Variants in WLS observed in about 807,000 individuals in gnomAD.
WLS encodes protein wntless homolog.
WLS carries 23 observed loss-of-function variants against 62.8 expected under a neutral mutation model. The observed-to-expected ratio is 0.37, with a 90% CI of 0.26 to 0.52. WLS has a LOEUF of 0.52. Among genes scored for constraint, WLS ranks in the 20% least tolerant of loss-of-function variants. WLS has a pLI of 0.92. For missense variants in WLS, 615 were observed against 697.3 expected, an observed-to-expected ratio of 0.88 and a Z score of 1.33; for synonymous variants, 246 against 244.1, an observed-to-expected ratio of 1.01 and a Z score of -0.07.
chr1:68,144,633 T>C lies in WLS; in HGVS notation c.1298A>G (p.Lys433Arg), dbSNP rs150138976. The C allele has an allele frequency of 8.1e-6, 13 of 1,613,462 alleles. No homozygotes were observed. The African/African-American group carries it at 1.6e-4, about 20-fold the overall frequency. ...GGCCAAGGTGATAAGCATGAGGAAC[T>C]TGAACCTAAAAATTAGCCCCTATTA... ...LHYEGLIFRF[K>R]FLMLITLACA... is the part of the protein sequence containing the mutation. The change falls in exon 10 of 12, where the codon AAG becomes AGG. Residue 433 changes from lysine to arginine, a missense_variant. By Grantham distance (26) the Lys-to-Arg change is conservative. Transcript: ENST00000262348.
At chr1:68,161,571 G>A (rs1468270100) in intron 2 of WLS, among the ~76,000 whole-genome samples, 3 of 152,154 alleles carry the variant, frequency 2.0e-5, no homozygotes, top group Admixed American at 6.5e-5. Flanking sequence ...GTCTTTCAGC[G>A]CTTCCGTAAG....
At chr1:68,131,868 C>T (rs565376134) in intron 11 of WLS, among the ~76,000 whole-genome samples, 1 of 152,266 alleles carries the variant, frequency 6.6e-6, no homozygotes, top group South Asian at 2.1e-4. Context: ...TATAGATATA[C>T]ACAAAGGGAA....
chr1:68,105,396 T>C (rs1646129561), intron 11 of WLS, among the ~76,000 whole-genome samples: 1 of 152,362 alleles, frequency 6.6e-6, no homozygotes, highest in African/African-American at 2.4e-5. Flanking sequence ...TGCTAAATTC[T>C]CATTCAGTTC....
At chr1:68,202,424 G>A (rs184365485) in intron 1 of WLS, 1 of 152,198 alleles carries the variant, frequency 6.6e-6, no homozygotes, top group Non-Finnish European at 1.5e-5. Flanking sequence ...GTGTCCTGCA[G>A]CAAAGACAGC....
chr1:68,218,739 G>A (rs1046236040), intron 1 of WLS, among the ~76,000 whole-genome samples: 10 of 152,182 alleles, frequency 6.6e-5, no homozygotes, highest in Admixed American at 4.6e-4. Context: ...CTTGTGTGCA[G>A]GAACCTGGAG....
chr1:68,121,377 A>G (rs1279656896), downstream of WLS: 1 of 152,230 alleles, frequency 6.6e-6, no homozygotes, highest in African/African-American at 2.4e-5. Flanking sequence ...CCAAATAAGG[A>G]AAAGTCACAA....
intron 2 of WLS, among the ~76,000 whole-genome samples, chr1:68,164,875 G>A (rs1647038446): frequency 6.6e-6 from 1 of 152,162 alleles, no homozygotes; most frequent in African/African-American, 2.4e-5. Context: ...GGCTGGAGGT[G>A]GAGAAGAGCA....
intron 1 of WLS, among the ~76,000 whole-genome samples, chr1:68,211,008 G>A (rs1182925019): frequency 6.6e-6 from 1 of 152,126 alleles, no homozygotes; most frequent in East Asian, 1.9e-4. Flanking sequence ...ACCTCCCACT[G>A]CTTTGGCCTA....
At chr1:68,122,296 G>A (rs1646373251), downstream of WLS, among the ~76,000 whole-genome samples, 1 of 152,176 alleles carries the variant, frequency 6.6e-6, no homozygotes, top group African/African-American at 2.4e-5. Flanking sequence ...CCAGGGGTAT[G>A]AGTTCCAAGG....
rs777111777 is a variant in WLS at position 68,145,947 on chromosome 1, T to C, written c.1200A>G (p.Val400=). ...CACTGATGTTCCGAAACACCTGAAA[T>C]ACCATGAAGCATAGAAACAGGAAGT... ...CLYFLFLCFM[V]FQVFRNISGK... Residue 400 remains valine (V), a synonymous_variant, in exon 9 of 12, where the codon GTA becomes GTG. Coordinates refer to ENST00000262348, the MANE Select transcript of WLS (RefSeq NM_024911.7). The C allele has an allele frequency of 1.2e-6, 2 of 1,613,926 alleles. No individual in the cohort carries two copies. Among genetic ancestry groups the C allele is most frequent in the African/African-American group, 2.7e-5 (2 of 74,862 alleles).
At chr1:68,138,148 G>T in intron 10 of WLS, 1 of 577,848 alleles carries the variant, frequency 1.7e-6, no homozygotes, top group Non-Finnish European at 3.0e-6. Context: ...ACAGTCAGTG[G>T]TCCTTACCTT....
intron 11 of WLS, among the ~76,000 whole-genome samples, chr1:68,116,772 G>C (rs1646297518): frequency 6.6e-6 from 1 of 152,152 alleles, no homozygotes; most frequent in South Asian, 2.1e-4. Context: ...CAGTTGTTGG[G>C]TGAATGAATC....
At chr1:68,203,399 G>A (rs1168336845) in intron 1 of WLS, among the ~76,000 whole-genome samples, 1 of 152,202 alleles carries the variant, frequency 6.6e-6, no homozygotes, top group Non-Finnish European at 1.5e-5. Context: ...GAATGAAGAC[G>A]ACTGTGGCCA....
At chr1:68,208,366 G>A (rs560358410) in intron 1 of WLS, among the ~76,000 whole-genome samples, 3 of 152,160 alleles carry the variant, frequency 2.0e-5, no homozygotes. Context: ...CCCCCGATGA[G>A]GATTCAACTA....
exon 12 of WLS, chr1:68,098,713 C>A: frequency 6.2e-7 from 1 of 1,613,848 alleles, no homozygotes; most frequent in South Asian, 1.1e-5. Context: ...CCGAAACAAA[C>A]AAAGCACAAT....
At chr1:68,126,936 ATC>A in intron 11 of WLS, 1 of 237,992 alleles carries the variant, frequency 4.2e-6, no homozygotes, top group Non-Finnish European at 8.6e-6. Context: ...CAGGCCTGCA[ATC>A]TCAGCTACTC....
chr1:68,131,062 T>TTGTGTGTGTGTGTGTG (rs6143260), intron 11 of WLS, among the ~76,000 whole-genome samples: 15 of 146,148 alleles, frequency 1.0e-4, no homozygotes, highest in South Asian at 6.6e-4. Context: ...CCAGCTAATT[T>TTGTGTGTGTGTGTGTG]TGTGTGTGTG....
At chr1:68,194,387 C>A (rs1448813297) in intron 1 of WLS, among the ~76,000 whole-genome samples, 160 bp from the exon 2 acceptor site, 1 of 152,208 alleles carries the variant, frequency 6.6e-6, no homozygotes, top group African/African-American at 2.4e-5. Context: ...GGGTGAGGAT[C>A]TTTCACTGAC....
chr1:68,140,315 A>G (rs934513396), intron 10 of WLS, among the ~76,000 whole-genome samples: 1 of 152,116 alleles, frequency 6.6e-6, no homozygotes, highest in African/African-American at 2.4e-5. Context: ...TTGATCTCTG[A>G]AGGTAGCACA....
Sources: gnomAD v4.1 joint callset for allele counts (sites outside exome capture counted in the v4.1 genomes callset) on GRCh38, gnomAD v4.1.1 for gene constraint, MANE v1.5 for transcripts, NCBI Gene and HGNC (gene_info 2026-07-23, HGNC 2026-07-21) for gene names.